The following PRKG1 variants were observed in gnomAD, a reference collection of about 807,000 sequenced individuals.
The protein encoded by PRKG1 is cGMP-dependent protein kinase 1.
Under a neutral mutation model 88.1 loss-of-function variants are expected in PRKG1, and 35 were observed. That is an observed-to-expected ratio of 0.40 (90% confidence interval 0.30 to 0.53). PRKG1 has a LOEUF of 0.53. PRKG1 is among the 20% of genes least tolerant of loss of function. PRKG1 has a pLI of 0.59. For synonymous variants in PRKG1, 303 were observed against 292.5 expected (o/e 1.04, Z -0.37); for missense variants, 540 against 839.8 (o/e 0.64, Z 4.41).
At chr10:51,992,768 T>C (rs992063973) in intron 5 of PRKG1, among the ~76,000 whole-genome samples, 11 of 152,224 alleles carry the variant, frequency 7.2e-5, no homozygotes, top group African/African-American at 2.7e-4. Flanking sequence ...TATATGCATA[T>C]GTTATTTCTT....
chr10:51,811,429 A>T (rs1206716079), intron 4 of PRKG1, among the ~76,000 whole-genome samples: 1 of 152,130 alleles, frequency 6.6e-6, no homozygotes, highest in Non-Finnish European at 1.5e-5. Flanking sequence ...CTTTATTTTG[A>T]TATTTTAATT....
chr10:51,028,811 C>G (rs1350245221), intron 1 of PRKG1, among the ~76,000 whole-genome samples: 1 of 152,090 alleles, frequency 6.6e-6, no homozygotes, highest in African/African-American at 2.4e-5. Context: ...ATTTTTGCAG[C>G]TATCATCATT....
At chr10:51,984,375 T>G (rs1844096145) in intron 5 of PRKG1, among the ~76,000 whole-genome samples, 1 of 152,248 alleles carries the variant, frequency 6.6e-6, no homozygotes, top group South Asian at 2.1e-4. Flanking sequence ...TCATTTCCGA[T>G]GATTTTGAAA....
rs142882046 is a variant in PRKG1, at chr10:51,477,570, C to T, written c.592+9734C>T. Among the ~76,000 whole-genome samples the T allele has an allele frequency of 1.0e-3, 158 of 151,874 alleles. 2 individuals carry two copies. The South Asian group carries it at 0.018, about 17-fold the overall frequency. ...CTCTTACCTTCAAAATTGTAAGGAC[C>T]CACCTTATGACTGTGGCAAGGATTA... On this transcript the variant is annotated intron_variant, in intron 3 of 17. Transcript: ENST00000373980.
At chr10:51,097,647 A>G (rs1044923791) in intron 1 of PRKG1, among the ~76,000 whole-genome samples, 1 of 151,980 alleles carries the variant, frequency 6.6e-6, no homozygotes, top group African/African-American at 2.4e-5. Flanking sequence ...CTCTTTGTCC[A>G]AAGTTCCAAA....
At chr10:52,065,966 G>T (rs1398077907) in intron 7 of PRKG1, among the ~76,000 whole-genome samples, 1 of 152,004 alleles carries the variant, frequency 6.6e-6, no homozygotes, top group African/African-American at 2.4e-5. Context: ...GGTCGCAAGT[G>T]GAATGCCAGA....
chr10:51,890,859 G>C (rs1419129923), intron 4 of PRKG1, among the ~76,000 whole-genome samples: 2 of 152,206 alleles, frequency 1.3e-5, no homozygotes, highest in East Asian at 3.9e-4. Context: ...AAGAGGCTGA[G>C]GCAAGAGAAT....
At position 51,620,426 on chromosome 10, in the gene PRKG1, A is replaced by C. The variant is rs543789454; in HGVS notation, c.592+152590A>C. 3.4e-4 allele frequency among the ~76,000 whole-genome samples: 51 copies of C among 152,210 alleles called. 1 individual carries two copies. The highest frequency in any genetic ancestry group is 2.1e-3 in the Admixed American group (32 of 15,274). On this transcript the variant is annotated intron_variant, in intron 3 of 17. Coordinates refer to ENST00000373980, the MANE Select transcript of PRKG1 (RefSeq NM_006258.4). ...ACTTCCTTATGCTTGACTTAGAGGC[A>C]TGAAGAATAATTCTTCCTGCCTCAT...
Position 51,078,121 on chromosome 10 carries a change from T to A in PRKG1, c.311+3220T>A, listed in dbSNP as rs564716020. ...GTCACAGGGTTTCAGTCATTTCAGT[T>A]GGATTATATAGACTTGAGTTCCTAA... On this transcript the variant is annotated intron_variant, in intron 1 of 17. Coordinates refer to ENST00000373980, the MANE Select transcript of PRKG1 (RefSeq NM_006258.4). Among the ~76,000 whole-genome samples the A allele has an allele frequency of 8.5e-5, 13 of 152,352 alleles. No individual in the cohort carries two copies. In the South Asian group the frequency reaches 2.7e-3, roughly 32 times the overall value.
At chr10:52,062,204 G>T (rs1357847055) in intron 6 of PRKG1, among the ~76,000 whole-genome samples, 1 of 152,056 alleles carries the variant, frequency 6.6e-6, no homozygotes, top group Non-Finnish European at 1.5e-5. Flanking sequence ...CACATCAAAA[G>T]ATGGACAGAA....
intron 5 of PRKG1, among the ~76,000 whole-genome samples, chr10:51,983,555 C>T (rs886977232): frequency 4.6e-5 from 7 of 152,176 alleles, no homozygotes; most frequent in Non-Finnish European, 8.8e-5. Flanking sequence ...GGGCAAGAAC[C>T]ACCCTGAAGA....
intron 3 of PRKG1, among the ~76,000 whole-genome samples, chr10:51,790,103 G>A (rs371694974): frequency 9.2e-5 from 14 of 152,220 alleles, no homozygotes; most frequent in South Asian, 2.1e-4. Context: ...GATTACAGGC[G>A]TCAGCCACCA....
intron 2 of PRKG1, among the ~76,000 whole-genome samples, chr10:51,316,542 C>T (rs966616375): frequency 2.0e-5 from 3 of 151,982 alleles, no homozygotes; most frequent in Non-Finnish European, 2.9e-5. Flanking sequence ...ATTAGCCAGG[C>T]CTGATGGCGG....
intron 2 of PRKG1, among the ~76,000 whole-genome samples, chr10:51,277,554 G>A (rs1387277946): frequency 1.3e-5 from 2 of 152,174 alleles, no homozygotes; most frequent in African/African-American, 4.8e-5. Context: ...ACCTTGGACG[G>A]TATGGCCATT....
intron 3 of PRKG1, chr10:51,698,148 T>C (rs1487005675): frequency 6.2e-7 from 1 of 1,614,162 alleles, no homozygotes; most frequent in Non-Finnish European, 8.5e-7. Flanking sequence ...ATAGGGCCTC[T>C]TGAACTGGGG....
intron 10 of PRKG1, among the ~76,000 whole-genome samples, chr10:52,254,427 T>C (rs535151448): frequency 6.6e-6 from 1 of 152,026 alleles, no homozygotes; most frequent in African/African-American, 2.4e-5. Context: ...TTAGCAGTAA[T>C]GTTGAGCAGG....
intron 14 of PRKG1, among the ~76,000 whole-genome samples, chr10:52,285,180 A>G (rs1306347442): frequency 6.6e-6 from 1 of 151,902 alleles, no homozygotes; most frequent in Non-Finnish European, 1.5e-5. Context: ...TTGCTCAAGG[A>G]TCCATCTCCC....
intron 4 of PRKG1, among the ~76,000 whole-genome samples, chr10:51,863,944 CA>C (rs1840951205): frequency 6.6e-6 from 1 of 152,194 alleles, no homozygotes; most frequent in Admixed American, 6.6e-5. Context: ...AGCTGGCACA[CA>C]AGGAGGAGAC....
chr10:51,034,941 G>C (rs1030871071), intron 1 of PRKG1, among the ~76,000 whole-genome samples: 4 of 151,890 alleles, frequency 2.6e-5, no homozygotes, highest in Admixed American at 6.6e-5. Flanking sequence ...CTAAGGTGCT[G>C]AGAACATTAA....
Sources: gnomAD v4.1 joint callset for allele counts (sites outside exome capture counted in the v4.1 genomes callset) on GRCh38, gnomAD v4.1.1 for gene constraint, MANE v1.5 for transcripts, NCBI Gene and HGNC (gene_info 2026-07-23, HGNC 2026-07-21) for gene names.